Variants in STAC3 observed in about 807,000 individuals in gnomAD.
STAC3 encodes the protein SH3 and cysteine-rich domain-containing protein 3.
A neutral mutation model predicts 48.5 loss-of-function variants in STAC3; 30 were observed. The observed-to-expected ratio is 0.62, with a 90% CI of 0.46 to 0.84. The LOEUF is 0.84. Ranked by LOEUF, STAC3 falls within the 40% of genes least tolerant of loss-of-function variation. The pLI is 0.00. For synonymous variants in STAC3, 144 were observed against 158.6 expected, an observed-to-expected ratio of 0.91 and a Z score of 0.69; for missense variants, 419 against 462.6, an observed-to-expected ratio of 0.91 and a Z score of 0.86.
intron 1 of STAC3, 114 bp downstream of exon 1, chr12:57,250,879 T>C (rs1164355040): frequency 2.4e-5 from 3 of 126,978 alleles, no homozygotes; most frequent in African/African-American, 9.3e-5. Context: ...ATTTTACGCC[T>C]AAAACCCAAA....
In STAC3 at chr12:57,249,301, C is replaced by A; in HGVS notation, c.74G>T (p.Arg25Leu). The A allele has an allele frequency of 6.3e-7, 1 of 1,585,652 alleles. No homozygotes were observed. The highest frequency in any genetic ancestry group is 8.6e-7 in the Non-Finnish European group (1 of 1,165,016). Residue 25 changes from arginine (R) to leucine (L), a missense_variant, in exon 3 of 12, where the codon CGG (arginine) becomes CTG (leucine). Arg to Leu is a moderately radical substitution (Grantham distance 102). Coordinates refer to ENST00000332782, the MANE Select transcript of STAC3 (RefSeq NM_145064.3). ...ACCCTTCCTGAGTAACTGCTTTAGC[C>A]GCTGTAGCTGAGGGAGGGAGTGAAG... Reference protein sequence around the residue: ...PAETRQSGLQRLKQLLRKGST... With the variant: ...PAETRQSGLQLLKQLLRKGST...
chr12:57,249,061 A>G lies in STAC3; in HGVS notation c.314T>C (p.Val105Ala). 1 of 1,599,796 alleles carries G rather than the reference A, an allele frequency of 6.3e-7. No individual in the cohort carries two copies. Among genetic ancestry groups the G allele is most frequent in the South Asian group, 1.1e-5 (1 of 88,600 alleles). Residue 105 changes from valine (V) to alanine (A), a missense_variant, in exon 3 of 12, where the codon GTC becomes GCC. Val to Ala is a moderately conservative substitution (Grantham distance 64). Transcript: ENST00000332782. ...HFFKKPKFCDVCARMIVLNNK... is the reference protein window; with the variant it reads ...HFFKKPKFCDACARMIVLNNK... ...CTCACGAACAATCATCCGGGCACAG[A>G]CATCACAGAACTTTGGCTTCTTGAA...
At chr12:57,246,362 C>T (rs2037739738) in intron 6 of STAC3, among the ~76,000 whole-genome samples, 2 of 147,786 alleles carry the variant, frequency 1.4e-5, no homozygotes, top group Admixed American at 6.9e-5. Flanking sequence ...TTTCTTTTCC[C>T]TTCCTTCCTT....
At position 57,249,118 on chromosome 12, in the gene STAC3, T is replaced by C. The variant is rs764988214; in HGVS notation, c.257A>G (p.Asn86Ser). 6.2e-7 allele frequency: 1 copy of C among 1,613,698 alleles called. No homozygotes were observed. The highest frequency in any genetic ancestry group is 1.1e-5 in the South Asian group (1 of 91,038). ...EPPPEPPKLVNDKPHKFKDHF... is the reference protein window; with the variant it reads ...EPPPEPPKLVSDKPHKFKDHF... ...ATCTTTGAATTTGTGGGGCTTATCG[T>C]TGACCAGCTTAGGAGGTTCTGGGGG... The change falls in exon 3 of 12, where the codon AAC (asparagine) becomes AGC (serine). Residue 86 changes from asparagine to serine, a missense_variant. Physicochemically the swap from Asn to Ser is conservative, Grantham distance 46. Coordinates refer to ENST00000332782, the MANE Select transcript of STAC3 (RefSeq NM_145064.3).
rs1304585823 is a variant in STAC3, at chr12:57,249,507, A to T, written c.66+64T>A. 3 of 1,588,712 alleles carry T rather than the reference A, an allele frequency of 1.9e-6. No homozygotes were observed. The African/African-American group carries it at 4.1e-5, about 21-fold the overall frequency. On this transcript the variant is annotated intron_variant, in intron 2 of 11. Coordinates refer to ENST00000332782, the MANE Select transcript of STAC3 (RefSeq NM_145064.3). ...ACACACAAATGAGATCAATTTAAGC[A>T]CTCTTCTTCAGCTGTAATGGCTTCC...
intron 3 of STAC3, 59 bp from the exon 4 acceptor site, chr12:57,248,862 A>T: frequency 6.5e-7 from 1 of 1,532,140 alleles, no homozygotes; most frequent in Non-Finnish European, 9.0e-7. Flanking sequence ...CCTTTGTACC[A>T]CTGCTGCTAC....
At chr12:57,245,316 C>T in intron 6 of STAC3, 105 bp from the exon 7 acceptor site, 3 of 1,051,502 alleles carry the variant, frequency 2.9e-6, no homozygotes, top group Non-Finnish European at 4.2e-6. Flanking sequence ...TCAGAGATCT[C>T]AGAGTTGGAA....
chr12:57,247,468 C>T (rs60285827), intron 5 of STAC3, among the ~76,000 whole-genome samples: 1,434 of 131,286 alleles, frequency 0.011, 26 homozygotes, highest in African/African-American at 0.041. Flanking sequence ...GAGTCTCGCT[C>T]TGTCACCCAG....
chr12:57,244,474 G>A (rs982033280), intron 9 of STAC3, 63 bp downstream of exon 9: 1 of 1,612,058 alleles, frequency 6.2e-7, no homozygotes, highest in South Asian at 1.1e-5. Flanking sequence ...CCTTTCCCTT[G>A]GGGGAACCCA....
In STAC3 at chr12:57,244,067, TGGGTTG is replaced by T; in HGVS notation, c.996+15_996+20del. ...GCTAGGGAGCATTCAGGCCTGGGAT[TGGGTTG>T]GGGCAACAGCCTACCTGGTCCTTCT... On this transcript the variant is annotated intron_variant, in intron 11 of 11. Coordinates refer to ENST00000332782, the MANE Select transcript of STAC3 (RefSeq NM_145064.3). The T allele has an allele frequency of 6.2e-7, 1 of 1,613,996 alleles. No individual in the cohort carries two copies.
rs773508144 is a variant in STAC3, at chr12:57,244,384, G to A, written c.807-18C>T. 1 of 1,614,032 alleles carries A rather than the reference G, an allele frequency of 6.2e-7. No individual in the cohort carries two copies. The highest frequency in any genetic ancestry group is 1.1e-5 in the South Asian group (1 of 91,084). The stretch of plus-strand genomic sequence containing the variant: ...CTCCTGGCCTGGGAGGGGAAGGGAG[G>A]GGCCTCACTCACATAGCAGGTCCCC... On this transcript the variant is annotated intron_variant, in intron 9 of 11. Transcript: ENST00000332782.
chr12:57,243,936 G>A (rs747840684), intron 11 of STAC3, 26 bp from the exon 12 acceptor site: 12 of 1,612,206 alleles, frequency 7.4e-6, no homozygotes, highest in Non-Finnish European at 1.0e-5. Flanking sequence ...ATCAGAAGTA[G>A]GAGAGGAATC....
At position 57,243,490 on chromosome 12, in the gene STAC3, C is replaced by T. The variant is rs2037648054; in HGVS notation, c.*322G>A. The T allele has an allele frequency of 8.6e-6, 5 of 580,134 alleles. No individual in the cohort carries two copies. Among genetic ancestry groups the T allele is most frequent in the African/African-American group, 1.9e-5 (1 of 52,960 alleles). The allele number at this position is 580,134 out of a possible 1,614,324, so 35.9% of individuals were successfully genotyped here. ...TGTCAAAAGTTTAATAAATTCGCAA[C>T]ATTCGACAGTTCGCCCTCCCTCGCC... On this transcript the variant is annotated 3_prime_UTR_variant, in exon 12 of 12. Transcript: ENST00000332782.
At chr12:57,249,682 C>A (rs1451106244) in intron 1 of STAC3, 45 bp from the exon 2 acceptor site, 2 of 1,603,558 alleles carry the variant, frequency 1.2e-6, no homozygotes, top group Non-Finnish European at 1.7e-6. Context: ...CCCTTTCATT[C>A]TTCTCTCCCT....
In STAC3 at chr12:57,248,158, C is replaced by T. The variant is rs1592247209; in HGVS notation, c.473G>A (p.Ser158Asn). Residue 158 changes from serine (S) to asparagine (N), a missense_variant, in exon 5 of 12, where the codon AGC becomes AAC. Physicochemically the swap from Ser to Asn is conservative, Grantham distance 46 (BLOSUM62 1). Coordinates refer to ENST00000332782, the MANE Select transcript of STAC3 (RefSeq NM_145064.3). ...FHRAYSSPLY[S>N]NQQYACVKDL... ...TTTGACACAAGCGTACTGCTGGTTG[C>T]TGTAGAGTGGGGAACTATAGGCCCG... The T allele has an allele frequency of 2.5e-6, 4 of 1,614,086 alleles. No individual in the cohort carries two copies. In the South Asian group the frequency reaches 4.4e-5, roughly 18 times the overall value.
At position 57,250,389 on chromosome 12, in the gene STAC3, C is replaced by CAAA. The variant is rs58777318; in HGVS notation, c.-2+601_-2+603dup. Among the ~76,000 whole-genome samples the CAAA allele has an allele frequency of 7.1e-4, 30 of 42,394 alleles. 1 individual carries two copies. The highest frequency in any genetic ancestry group is 9.2e-4 in the Non-Finnish European group (22 of 23,844). 27.8% of individuals were successfully genotyped at this position (42,394 alleles called of 152,430 possible). A position where few individuals can be genotyped will look rare whatever the true frequency, so the allele number is the denominator to read the frequency against. ...TGGGTGACAGAGCAAGACTTCGTCT[C>CAAA]AAAAAAAAAAAAAAAAAAAAAAAAA... On this transcript the variant is annotated intron_variant, in intron 1 of 11. Transcript: ENST00000332782.
At chr12:57,243,982 G>C in intron 11 of STAC3, 72 bp from the exon 12 acceptor site, 2 of 1,605,142 alleles carry the variant, frequency 1.2e-6, no homozygotes, top group South Asian at 1.1e-5. Flanking sequence ...AGGGGAGCCG[G>C]GGTTTACAGG....
chr12:57,243,766 C>T lies in STAC3; in HGVS notation c.*46G>A, dbSNP rs2037661648. 6.4e-7 allele frequency: 1 copy of T among 1,574,298 alleles called. No homozygotes were observed. The highest frequency in any genetic ancestry group is 1.1e-5 in the South Asian group (1 of 89,090). On this transcript the variant is annotated 3_prime_UTR_variant, in exon 12 of 12. Coordinates refer to ENST00000332782, the MANE Select transcript of STAC3 (RefSeq NM_145064.3). The stretch of plus-strand genomic sequence containing the variant: ...CCCTCCCCAAACTCCACTGGGCCCG[C>T]CCAGAATGGGGTGTGGGTGTCTCCC...
chr12:57,245,456 C>A (rs1428512099), intron 6 of STAC3, among the ~76,000 whole-genome samples: 2 of 150,922 alleles, frequency 1.3e-5, no homozygotes, highest in Non-Finnish European at 2.9e-5. Context: ...AGTGCCAGCT[C>A]CGCCTCCAGG....
Sources: gnomAD v4.1 joint callset for allele counts (sites outside exome capture counted in the v4.1 genomes callset) on GRCh38, gnomAD v4.1.1 for gene constraint, MANE v1.5 for transcripts, NCBI Gene and HGNC (gene_info 2026-07-23, HGNC 2026-07-21) for gene names.